The following DERA variants were observed in gnomAD, a reference collection of about 807,000 sequenced individuals.
DERA encodes the protein 2-deoxy-D-ribose 5-phosphate aldolase.
A neutral mutation model predicts 41.1 loss-of-function variants in DERA; 15 were observed. The ratio of observed to expected loss-of-function variants is 0.37; its 90% confidence interval spans 0.24 to 0.56. DERA has a LOEUF of 0.56. Among genes scored for constraint, DERA ranks in the 20% least tolerant of loss-of-function variants. The pLI is 0.81. For synonymous variants in DERA, 139 were observed against 137.4 expected (o/e 1.01, Z -0.08); for missense variants, 396 against 403.4 (o/e 0.98, Z 0.16).
chr12:15,990,871 C>G lies in DERA; in HGVS notation c.637+8435C>G, dbSNP rs112214460. On this transcript the variant is annotated intron_variant, in intron 6 of 8. Coordinates refer to ENST00000428559, the MANE Select transcript of DERA (RefSeq NM_015954.4). The surrounding 1 kb of genome is among the most constrained non-coding windows in gnomAD (Gnocchi z 4.3). Reference sequence around the variant, plus strand: ...CCAGTCTATCATTGATGGACATTTACATTGATTCCATGTCTTTGCTGTTGT... The same window carrying G: ...CCAGTCTATCATTGATGGACATTTAGATTGATTCCATGTCTTTGCTGTTGT... Among the ~76,000 whole-genome samples the G allele has an allele frequency of 0.2, 31,089 of 151,974 alleles. 4,429 individuals carry two copies. Among genetic ancestry groups the G allele is most frequent in the African/African-American group, 0.4 (16,656 of 41,418 alleles).
At position 15,943,960 on chromosome 12, in the gene DERA, T is replaced by C. The variant is rs1278412707; in HGVS notation, c.32-12976T>C. 6.9e-6 allele frequency among the ~76,000 whole-genome samples: 1 copy of C among 145,812 alleles called. No individual in the cohort carries two copies. Among genetic ancestry groups the C allele is most frequent in the African/African-American group, 2.5e-5 (1 of 39,516 alleles). ...GTTCTCATTGTTCAATTCCCACCTA[T>C]GAGTGAGAACATGCGGTGTTTGGTT... On this transcript the variant is annotated intron_variant, in intron 1 of 8. Coordinates refer to ENST00000428559, the MANE Select transcript of DERA (RefSeq NM_015954.4). The surrounding 1 kb of genome is among the most constrained non-coding windows in gnomAD (Gnocchi z 4.5).
rs1437981311 is a variant in DERA, at chr12:15,982,396, T to TAG, written c.598_599insGA (p.Thr200ArgfsTer9). ...TAGCGACAGGAGAACTTGGAACTCT[T>TAG]ACTAATGTCTATAAAGCCAGTATGA... On this transcript the variant is annotated frameshift_variant, in exon 6 of 9. Transcript: ENST00000428559. LOFTEE classifies it high-confidence loss of function. The surrounding 1 kb of genome is among the most constrained non-coding windows in gnomAD (Gnocchi z 4.0). 1 of 1,613,906 alleles carries TAG rather than the reference T, an allele frequency of 6.2e-7. No homozygotes were observed. Among genetic ancestry groups the TAG allele is most frequent in the Non-Finnish European group, 8.5e-7 (1 of 1,179,860 alleles).
intron 1 of DERA, among the ~76,000 whole-genome samples, chr12:15,914,447 G>A (rs1400990765): frequency 6.6e-6 from 1 of 151,584 alleles, no homozygotes; most frequent in African/African-American, 2.4e-5. Flanking sequence ...TGAATTGAGA[G>A]CTGCTTCTTA....
chr12:16,010,187 A>G lies in DERA; in HGVS notation c.638-22355A>G, dbSNP rs1948938130. Reference sequence around the variant, plus strand: ...GTGGGCAAGGCAGTGCCTTGAAAACAAGTGTGTGGCATCCAGGGAGATCCT... The same window carrying G: ...GTGGGCAAGGCAGTGCCTTGAAAACGAGTGTGTGGCATCCAGGGAGATCCT... On this transcript the variant is annotated intron_variant, in intron 6 of 8. Coordinates refer to ENST00000428559, the MANE Select transcript of DERA (RefSeq NM_015954.4). This position sits in a 1 kb window ranked among gnomAD's most constrained non-coding sequence, Gnocchi z 5.5. 6.6e-6 allele frequency among the ~76,000 whole-genome samples: 1 copy of G among 152,204 alleles called. No individual in the cohort carries two copies. The highest frequency in any genetic ancestry group is 2.1e-4 in the South Asian group (1 of 4,830).
chr12:15,974,362 GA>G (rs1460624910), intron 5 of DERA, among the ~76,000 whole-genome samples: 1 of 152,106 alleles, frequency 6.6e-6, no homozygotes, highest in African/African-American at 2.4e-5. Flanking sequence ...TTTAACCTAA[GA>G]ATACTAAGAA....
In DERA at chr12:15,954,134, A is replaced by C. The variant is rs1318650087; in HGVS notation, c.32-2802A>C. On this transcript the variant is annotated intron_variant, in intron 1 of 8. Transcript: ENST00000428559. The surrounding 1 kb of genome is among the most constrained non-coding windows in gnomAD (Gnocchi z 4.0). ...ACTCAAAATTGGTTTTTAAGGGGAA[A>C]GTTCCCAGGCATCCCATTCATACCT... 6.6e-6 allele frequency among the ~76,000 whole-genome samples: 1 copy of C among 152,280 alleles called. No homozygotes were observed. The highest frequency in any genetic ancestry group is 1.9e-4 in the East Asian group (1 of 5,182).
intron 1 of DERA, among the ~76,000 whole-genome samples, chr12:15,947,671 G>T (rs2136140490): frequency 6.6e-6 from 1 of 152,248 alleles, no homozygotes; most frequent in Non-Finnish European, 1.5e-5. Context: ...CAATTTGCCA[G>T]TCTGTGTCTT....
Position 15,976,199 on chromosome 12 carries a change from T to C in DERA, c.509-6109T>C, listed in dbSNP as rs1017126727. 2.6e-5 allele frequency among the ~76,000 whole-genome samples: 4 copies of C among 152,324 alleles called. No individual in the cohort carries two copies. In the South Asian group the frequency reaches 6.2e-4, roughly 24 times the overall value. ...ACCCCTTCTTCCCGTCAGTGAGATA[T>C]CTTGCTCCCATTATCCATTATCTTC... On this transcript the variant is annotated intron_variant, in intron 5 of 8. Transcript: ENST00000428559. The surrounding 1 kb of genome is among the most constrained non-coding windows in gnomAD (Gnocchi z 4.1).
Position 16,017,664 on chromosome 12 carries a change from G to C in DERA, c.638-14878G>C, listed in dbSNP as rs1948991836. Among the ~76,000 whole-genome samples, 1 of 152,118 alleles carries C rather than the reference G, an allele frequency of 6.6e-6. No homozygotes were observed. Among genetic ancestry groups the C allele is most frequent in the African/African-American group, 2.4e-5 (1 of 41,436 alleles). Reference sequence around the variant, plus strand: ...TTGAACAAAAGAATACAATATTGAAGACTTTTAATTTGAGGGCTTATATCT... The same window carrying C: ...TTGAACAAAAGAATACAATATTGAACACTTTTAATTTGAGGGCTTATATCT... On this transcript the variant is annotated intron_variant, in intron 6 of 8. Coordinates refer to ENST00000428559, the MANE Select transcript of DERA (RefSeq NM_015954.4). The surrounding 1 kb of genome is among the most constrained non-coding windows in gnomAD (Gnocchi z 5.5).
chr12:15,982,826 G>T lies in DERA; in HGVS notation c.637+390G>T, dbSNP rs1213321253. On this transcript the variant is annotated intron_variant, in intron 6 of 8. Transcript: ENST00000428559. This position sits in a 1 kb window ranked among gnomAD's most constrained non-coding sequence, Gnocchi z 4.0. Reference sequence around the variant, plus strand: ...AGAGATATATATCCATACTATCTGAGACAGCCTCTGCTTTTGTTTGTGTTA... The same window carrying T: ...AGAGATATATATCCATACTATCTGATACAGCCTCTGCTTTTGTTTGTGTTA... 1.3e-5 allele frequency among the ~76,000 whole-genome samples: 2 copies of T among 152,202 alleles called. No individual in the cohort carries two copies. The highest frequency in any genetic ancestry group is 2.9e-5 in the Non-Finnish European group (2 of 68,042).
Position 15,918,553 on chromosome 12 carries a change from G to T in DERA, c.31+7139G>T, listed in dbSNP as rs915312831. Among the ~76,000 whole-genome samples, 6 of 151,858 alleles carry T rather than the reference G, an allele frequency of 4.0e-5. No individual in the cohort carries two copies. The highest frequency in any genetic ancestry group is 7.3e-5 in the African/African-American group (3 of 41,310). ...AAGGGGAAGGGGGCCAGAATAATTT[G>T]TTTTTTTTAATTTTTAAAATGTAAA... On this transcript the variant is annotated intron_variant, in intron 1 of 8. Transcript: ENST00000428559. The surrounding 1 kb of genome is among the most constrained non-coding windows in gnomAD (Gnocchi z 4.3).
chr12:15,926,708 C>G (rs1026036462), intron 1 of DERA, among the ~76,000 whole-genome samples: 8 of 149,960 alleles, frequency 5.3e-5, no homozygotes, highest in Non-Finnish European at 7.4e-5. Flanking sequence ...TGCACTCCCG[C>G]CTGGGGCGAC....
At chr12:15,952,792 G>A (rs1244400393) in intron 1 of DERA, among the ~76,000 whole-genome samples, 1 of 152,218 alleles carries the variant, frequency 6.6e-6, no homozygotes. Flanking sequence ...TCTACACTCA[G>A]CCTGGTGCTT....
rs1189552595 is a variant in DERA at position 15,972,566 on chromosome 12, GA to G, written c.508+9622del. ...CAGACAGCGCATGATGTACTCTAGG[GA>G]AATTTTCTCCAATTCCTGCCTCATG... is the stretch of plus-strand genomic sequence containing the variant. On this transcript the variant is annotated intron_variant, in intron 5 of 8. Transcript: ENST00000428559. The surrounding 1 kb of genome is among the most constrained non-coding windows in gnomAD (Gnocchi z 4.4). 5 of 167,418 alleles carry G rather than the reference GA, an allele frequency of 3.0e-5. No individual in the cohort carries two copies. The highest frequency in any genetic ancestry group is 6.6e-5 in the Non-Finnish European group (5 of 75,734). 10.4% of individuals were successfully genotyped at this position (167,418 alleles called of 1,614,324 possible). A position where few individuals can be genotyped will look rare whatever the true frequency, so the allele number is the denominator to read the frequency against.
chr12:16,033,581 T>TTGTGTGTGTGTGTGTG (rs146182174), intron 7 of DERA, among the ~76,000 whole-genome samples: 94 of 127,700 alleles, frequency 7.4e-4, no homozygotes, highest in South Asian at 8.4e-4. Context: ...GAGAGCAAGG[T>TTGTGTGTGTGTGTGTG]TGTGTGTGTG....
chr12:15,919,656 A>G (rs965453145), intron 1 of DERA, among the ~76,000 whole-genome samples: 1 of 152,228 alleles, frequency 6.6e-6, no homozygotes, highest in Admixed American at 6.5e-5. Flanking sequence ...CAAGGGAAGG[A>G]TAAATGTTTA....
chr12:15,911,755 TA>T lies in DERA; in HGVS notation c.31+346del, dbSNP rs920972421. 3.5e-6 allele frequency: 2 copies of T among 570,644 alleles called. No individual in the cohort carries two copies. The highest frequency in any genetic ancestry group is 2.2e-5 in the Admixed American group (1 of 45,778). 35.3% of individuals were successfully genotyped at this position (570,644 alleles called of 1,614,324 possible). ...CCAAAACAAACAACCCCCAAGCAGG[TA>T]AAAACAGATAAAAACCTTCTTTCTC... On this transcript the variant is annotated intron_variant, in intron 1 of 8. Coordinates refer to ENST00000428559, the MANE Select transcript of DERA (RefSeq NM_015954.4). The surrounding 1 kb of genome is among the most constrained non-coding windows in gnomAD (Gnocchi z 4.5).
rs1948945396 is a variant in DERA at position 16,011,355 on chromosome 12, G to T, written c.638-21187G>T. Reference sequence around the variant, plus strand: ...GGAACCAGAAGTGTTTTGGATTTTGGATTTTTTCAGATTTCGGAATATTTG... The same window carrying T: ...GGAACCAGAAGTGTTTTGGATTTTGTATTTTTTCAGATTTCGGAATATTTG... On this transcript the variant is annotated intron_variant, in intron 6 of 8. Transcript: ENST00000428559. The surrounding 1 kb of genome is among the most constrained non-coding windows in gnomAD (Gnocchi z 4.7). 6.6e-6 allele frequency among the ~76,000 whole-genome samples: 1 copy of T among 152,130 alleles called. No homozygotes were observed. Among genetic ancestry groups the T allele is most frequent in the African/African-American group, 2.4e-5 (1 of 41,432 alleles).
rs561244784 is a variant in DERA at position 16,016,759 on chromosome 12, T to TCCAGC, written c.638-15781_638-15777dup. ...GTGAGCCATGATTGCACCACTGCACTCCAGCCTGGGCGACAGAGTGAGACC... is the reference window on the plus strand; with the variant it reads ...GTGAGCCATGATTGCACCACTGCACTCCAGCCCAGCCTGGGCGACAGAGTGAGACC... On this transcript the variant is annotated intron_variant, in intron 6 of 8. Transcript: ENST00000428559. Among the ~76,000 whole-genome samples the TCCAGC allele has an allele frequency of 6.2e-3, 700 of 112,080 alleles. 8 individuals carry two copies. The highest frequency in any genetic ancestry group is 0.023 in the African/African-American group (659 of 28,522). The allele number at this position is 112,080 out of a possible 152,430, so 73.5% of individuals were successfully genotyped here.
Sources: gnomAD v4.1 joint callset for allele counts (sites outside exome capture counted in the v4.1 genomes callset) on GRCh38, gnomAD v4.1.1 for gene constraint, Gnocchi (gnomAD v3.1) non-coding constraint, MANE v1.5 for transcripts, NCBI Gene and HGNC (gene_info 2026-07-23, HGNC 2026-07-21) for gene names.